PRKCQ: variants seen among roughly 807,000 people sequenced by gnomAD.
PRKCQ encodes the protein protein kinase C theta type.
A neutral mutation model predicts 91.2 loss-of-function variants in PRKCQ; 41 were observed. The observed-to-expected ratio is 0.45, with a 90% confidence interval of 0.35 to 0.58. The LOEUF (loss-of-function observed/expected upper bound fraction) is 0.58. Among genes scored for constraint, PRKCQ ranks in the 20% least tolerant of loss-of-function variants. The pLI, the probability that PRKCQ is intolerant of heterozygous loss-of-function variation, is 0.00. For synonymous variants in PRKCQ, 307 were observed against 316.9 expected (o/e 0.97, Z 0.33); for missense variants, 673 against 896.5 (o/e 0.75, Z 3.18).
At chr10:6,520,340 TCTC>T (rs1383063080) in intron 1 of PRKCQ, among the ~76,000 whole-genome samples, 1 of 152,096 alleles carries the variant, frequency 6.6e-6, no homozygotes, top group African/African-American at 2.4e-5. Context: ...ACTTGCTTCA[TCTC>T]CTGCTCCACC....
chr10:6,554,779 C>T (rs1840342876), intron 1 of PRKCQ, among the ~76,000 whole-genome samples: 1 of 152,168 alleles, frequency 6.6e-6, no homozygotes, highest in South Asian at 2.1e-4. Context: ...TTTGAACCTG[C>T]AATTCCATCA....
intron 1 of PRKCQ, among the ~76,000 whole-genome samples, chr10:6,526,914 T>C (rs1020739730): frequency 2.6e-5 from 4 of 152,160 alleles, no homozygotes; most frequent in Admixed American, 1.3e-4. Flanking sequence ...ACTCTTCCAG[T>C]TGATGGTCGG....
the PRKCQ span, among the ~76,000 whole-genome samples, chr10:6,411,455 G>A: frequency 6.6e-6 from 1 of 152,180 alleles, no homozygotes; most frequent in Admixed American, 6.5e-5. Flanking sequence ...TCCCTAGGAG[G>A]AGACAAATTC....
At chr10:6,560,891 T>C (rs1840602717) in intron 1 of PRKCQ, among the ~76,000 whole-genome samples, 1 of 151,784 alleles carries the variant, frequency 6.6e-6, no homozygotes, top group South Asian at 2.1e-4. Flanking sequence ...TACAAAAAAT[T>C]AGCCAGGCGT....
intron 1 of PRKCQ, among the ~76,000 whole-genome samples, chr10:6,551,867 C>T (rs1352924958): frequency 6.6e-6 from 1 of 152,210 alleles, no homozygotes; most frequent in African/African-American, 2.4e-5. Context: ...AATGGTAGCT[C>T]TGTTTTTAGC....
At chr10:6,575,674 T>C (rs921153771) in intron 1 of PRKCQ, among the ~76,000 whole-genome samples, 3 of 152,188 alleles carry the variant, frequency 2.0e-5, no homozygotes, top group Non-Finnish European at 2.9e-5. Flanking sequence ...ATCCCTGCCA[T>C]TGGGCATTCA....
At chr10:6,445,812 C>A (rs12573280) in intron 15 of PRKCQ, among the ~76,000 whole-genome samples, 51,062 of 152,118 alleles carry the variant, frequency 0.34, 8,798 homozygotes, top group East Asian at 0.43. Context: ...GCACCTAATA[C>A]AATCTTTGCT....
At chr10:6,504,242 C>T (rs1199002311) in intron 4 of PRKCQ, among the ~76,000 whole-genome samples, 1 of 152,130 alleles carries the variant, frequency 6.6e-6, no homozygotes, top group Non-Finnish European at 1.5e-5. Context: ...TTTTTATCAC[C>T]TCTCCATAAC....
At chr10:6,458,053 C>T (rs1835113864) in intron 14 of PRKCQ, among the ~76,000 whole-genome samples, 1 of 152,094 alleles carries the variant, frequency 6.6e-6, no homozygotes. Flanking sequence ...AAGCAGTCCT[C>T]CCACCTCAGA....
chr10:6,567,074 G>A (rs889691144), intron 1 of PRKCQ, among the ~76,000 whole-genome samples: 1 of 152,044 alleles, frequency 6.6e-6, no homozygotes, highest in South Asian at 2.1e-4. Flanking sequence ...GAGAAGACTC[G>A]GTACATGCTC....
At chr10:6,548,915 T>G (rs1244333945) in intron 1 of PRKCQ, among the ~76,000 whole-genome samples, 2 of 152,146 alleles carry the variant, frequency 1.3e-5, no homozygotes, top group Non-Finnish European at 2.9e-5. Flanking sequence ...ATGTTATACT[T>G]AATTCTTAAT....
chr10:6,433,804 G>A (rs576740636), intron 16 of PRKCQ, among the ~76,000 whole-genome samples: 1 of 152,228 alleles, frequency 6.6e-6, no homozygotes, highest in South Asian at 2.1e-4. Flanking sequence ...GCTGAGGTGG[G>A]TGGATCACCT....
the PRKCQ span, among the ~76,000 whole-genome samples, chr10:6,421,446 A>G: frequency 1.3e-5 from 2 of 152,300 alleles, no homozygotes; most frequent in Admixed American, 6.5e-5. This position sits in a 1 kb window ranked among gnomAD's most constrained non-coding sequence, Gnocchi z 4.1. Flanking sequence ...ATTTGTGCCA[A>G]TACACTCCAT....
At chr10:6,434,291 T>C (rs1833580388) in intron 16 of PRKCQ, among the ~76,000 whole-genome samples, 1 of 152,172 alleles carries the variant, frequency 6.6e-6, no homozygotes, top group Non-Finnish European at 1.5e-5. Context: ...TTTTCTATTC[T>C]ATTTCTTCCA....
chr10:6,540,174 G>C (rs1839724412), intron 1 of PRKCQ, among the ~76,000 whole-genome samples: 1 of 152,100 alleles, frequency 6.6e-6, no homozygotes, highest in Non-Finnish European at 1.5e-5. Context: ...TTTTGTACTA[G>C]TTCTTGCTGC....
At chr10:6,461,070 T>TCATCATTCATC (rs1484863061) in intron 14 of PRKCQ, among the ~76,000 whole-genome samples, 1 of 150,580 alleles carries the variant, frequency 6.6e-6, no homozygotes. Context: ...GTTCATCTAC[T>TCATCATTCATC]CATCATTCAT....
chr10:6,430,926 C>T lies in PRKCQ; in HGVS notation c.1849G>A (p.Glu617Lys). Reference sequence around the variant, plus strand: ...CTCACGCCCAGCCTCTTCTCAGGTTCTCGCACGAAGAGCTGAAAGGGAGCA... The same window carrying T: ...CTCACGCCCAGCCTCTTCTCAGGTTTTCGCACGAAGAGCTGAAAGGGAGCA... ...KDLLVKLFVR[E>K]PEKRLGVRGD... The change falls in exon 17 of 18, where the codon GAA becomes AAA. Residue 617 changes from glutamate (E) to lysine (K), a missense_variant. Coordinates refer to ENST00000263125, the MANE Select transcript of PRKCQ (RefSeq NM_006257.5). The surrounding 1 kb of genome is among the most constrained non-coding windows in gnomAD (Gnocchi z 4.7). 1 of 1,614,040 alleles carries T rather than the reference C, an allele frequency of 6.2e-7. No individual in the cohort carries two copies. Among genetic ancestry groups the T allele is most frequent in the Non-Finnish European group, 8.5e-7 (1 of 1,179,958 alleles).
chr10:6,457,217 C>T (rs1835059005), intron 14 of PRKCQ, among the ~76,000 whole-genome samples: 1 of 151,580 alleles, frequency 6.6e-6, no homozygotes, highest in Non-Finnish European at 1.5e-5. Flanking sequence ...AAGTTTGTTC[C>T]TAACTAATAC....
chr10:6,547,970 C>G (rs1008595532), intron 1 of PRKCQ, among the ~76,000 whole-genome samples: 11 of 149,580 alleles, frequency 7.4e-5, no homozygotes, highest in African/African-American at 1.7e-4. Flanking sequence ...AGAAAATTTT[C>G]GCAACCTACT....
Sources: allele counts gnomAD v4.1 joint callset (sites outside exome capture counted in the v4.1 genomes callset), GRCh38; gene constraint gnomAD v4.1.1; non-coding constraint Gnocchi (gnomAD v3.1); transcripts MANE v1.5; gene names NCBI Gene and HGNC (gene_info 2026-07-23, HGNC 2026-07-21).